The following RASEF variants were observed in gnomAD, a reference collection of about 807,000 sequenced individuals.
RASEF encodes the protein ras and EF-hand domain-containing protein.
In RASEF, 68 loss-of-function variants were observed where a neutral mutation model predicts 90.1. That is an observed-to-expected ratio of 0.75 (90% CI 0.62 to 0.92). The LOEUF is 0.92. RASEF is among the 40% of genes least tolerant of loss of function. The pLI, the probability that RASEF is intolerant of heterozygous loss-of-function variation, is 0.00. For synonymous variants in RASEF, 331 were observed against 345.2 expected, an observed-to-expected ratio of 0.96 and a Z score of 0.46; for missense variants, 949 against 937.2, an observed-to-expected ratio of 1.01 and a Z score of -0.16.
chr9:83,135,514 T>C, the RASEF span, among the ~76,000 whole-genome samples: 1 of 152,066 alleles, frequency 6.6e-6, no homozygotes, highest in East Asian at 1.9e-4. Context: ...AATAAATAAA[T>C]AAAAATGCTG....
At chr9:83,204,642 CAT>C in the RASEF span, among the ~76,000 whole-genome samples, 1 of 152,172 alleles carries the variant, frequency 6.6e-6, no homozygotes, top group Non-Finnish European at 1.5e-5. Context: ...ACCACACAAA[CAT>C]GTCATCTAAT....
the RASEF span, among the ~76,000 whole-genome samples, chr9:83,091,206 T>C: frequency 6.6e-6 from 1 of 152,196 alleles, no homozygotes; most frequent in African/African-American, 2.4e-5. Context: ...CACAGCCCTA[T>C]ACCTGCACAC....
At chr9:83,083,461 T>C in the RASEF span, among the ~76,000 whole-genome samples, 5 of 152,184 alleles carry the variant, frequency 3.3e-5, 1 homozygote, top group Non-Finnish European at 5.9e-5. Context: ...TAAAATGATA[T>C]ACTTGAACAA....
At chr9:83,135,267 T>C in the RASEF span, among the ~76,000 whole-genome samples, 3 of 152,034 alleles carry the variant, frequency 2.0e-5, no homozygotes, top group South Asian at 2.1e-4. Flanking sequence ...AAACACTGCA[T>C]GTTCTCACCC....
intron 1 of RASEF, among the ~76,000 whole-genome samples, chr9:83,033,168 T>C (rs1829676106): frequency 6.6e-6 from 1 of 152,192 alleles, no homozygotes; most frequent in Non-Finnish European, 1.5e-5. Context: ...CATTCTATAC[T>C]AAGGAATGCC....
chr9:83,044,459 G>C (rs937571385), intron 1 of RASEF, among the ~76,000 whole-genome samples: 4 of 151,986 alleles, frequency 2.6e-5, no homozygotes, highest in Non-Finnish European at 4.4e-5. Flanking sequence ...CTCCCAGAGG[G>C]GCATCTCAGA....
chr9:83,127,607 G>A, the RASEF span, among the ~76,000 whole-genome samples: 2 of 152,100 alleles, frequency 1.3e-5, no homozygotes, highest in African/African-American at 4.8e-5. Flanking sequence ...AAGAAATGGC[G>A]GGAACAAAAA....
At chr9:83,026,323 C>A (rs1451477801) in intron 1 of RASEF, among the ~76,000 whole-genome samples, 1 of 152,078 alleles carries the variant, frequency 6.6e-6, no homozygotes, top group Non-Finnish European at 1.5e-5. Flanking sequence ...GTGTATTAGT[C>A]CATTTTCACA....
intron 1 of RASEF, chr9:83,055,684 C>G: frequency 1.4e-6 from 1 of 717,786 alleles, no homozygotes; most frequent in Non-Finnish European, 2.6e-6. Context: ...GTAGCCAAAT[C>G]TGTAATACAA....
At chr9:83,006,673 G>C (rs957835142) in intron 7 of RASEF, among the ~76,000 whole-genome samples, 3 of 151,918 alleles carry the variant, frequency 2.0e-5, no homozygotes, top group Admixed American at 6.6e-5. Context: ...TGACAGAGTG[G>C]GTATATTTCT....
At chr9:82,991,765 A>G (rs1039836815) in intron 15 of RASEF, among the ~76,000 whole-genome samples, 6 of 152,210 alleles carry the variant, frequency 3.9e-5, no homozygotes, top group Non-Finnish European at 5.9e-5. Context: ...TGCATAAGGA[A>G]GCAAACTTTG....
intron 1 of RASEF, among the ~76,000 whole-genome samples, chr9:83,061,955 C>T (rs1755085080): frequency 1.3e-5 from 2 of 152,200 alleles, no homozygotes; most frequent in Admixed American, 1.3e-4. Context: ...TATTTGTGTC[C>T]AGCAATGTAA....
At chr9:83,165,882 C>A in the RASEF span, among the ~76,000 whole-genome samples, 1 of 152,008 alleles carries the variant, frequency 6.6e-6, no homozygotes, top group Non-Finnish European at 1.5e-5. Flanking sequence ...TTTTTAAAAA[C>A]CCTATGGCCA....
At chr9:83,055,366 G>A (rs572494780) in intron 1 of RASEF, 5 of 464,716 alleles carry the variant, frequency 1.1e-5, no homozygotes, top group Admixed American at 3.5e-5. Context: ...GACCCCTTGC[G>A]CTTCCCAGGT....
chr9:83,128,949 A>G, the RASEF span, among the ~76,000 whole-genome samples: 2 of 152,266 alleles, frequency 1.3e-5, no homozygotes, highest in African/African-American at 4.8e-5. Flanking sequence ...GTTAATCAAT[A>G]TTTCACCAAA....
the RASEF span, among the ~76,000 whole-genome samples, chr9:83,119,502 A>G: frequency 2.0e-5 from 3 of 152,222 alleles, no homozygotes; most frequent in Non-Finnish European, 4.4e-5. Context: ...GTGCAGGGGA[A>G]GAAAGCTGAA....
chr9:83,048,807 T>C (rs779264910), intron 1 of RASEF: 82 of 954,690 alleles, frequency 8.6e-5, no homozygotes, highest in Non-Finnish European at 9.8e-5. Flanking sequence ...ATATTTCTCA[T>C]ACTTGATTAA....
chr9:83,055,413 T>G (rs1587527334), intron 1 of RASEF: 1 of 582,350 alleles, frequency 1.7e-6, no homozygotes, highest in Non-Finnish European at 3.1e-6. Context: ...TCGCGCACGG[T>G]GCGCGCACAC....
intron 13 of RASEF, 49 bp from the exon 14 acceptor site, chr9:82,997,175 T>G: frequency 8.7e-7 from 1 of 1,154,518 alleles, no homozygotes; most frequent in Non-Finnish European, 1.3e-6. Flanking sequence ...TGCCTCATTC[T>G]TCTTCTCTTT....
Sources: allele counts gnomAD v4.1 joint callset (sites outside exome capture counted in the v4.1 genomes callset), GRCh38; gene constraint gnomAD v4.1.1; transcripts MANE v1.5; gene names NCBI Gene and HGNC (gene_info 2026-07-23, HGNC 2026-07-21).